The following ANKRD36B variants were observed in gnomAD, a reference collection of about 807,000 sequenced individuals.
ANKRD36B encodes ankyrin repeat domain 36B.
Under a neutral mutation model 135.7 loss-of-function variants are expected in ANKRD36B, and 37 were observed. That is an observed-to-expected ratio of 0.27 (90% confidence interval 0.21 to 0.36). The LOEUF (loss-of-function observed/expected upper bound fraction) is 0.36. Ranked by LOEUF, ANKRD36B falls within the 10% of genes least tolerant of loss-of-function variation. The probability of loss-of-function intolerance (pLI) is 1.00; values close to 1 mark genes in which losing one functional copy is unlikely to be tolerated. For synonymous variants in ANKRD36B, 179 were observed against 348.1 expected (o/e 0.51, Z 5.41); for missense variants, 549 against 1,037.1 (o/e 0.53, Z 6.46).
At chr2:97,532,505 G>C (rs138992129) in intron 34 of ANKRD36B, 121 bp from the exon 35 acceptor site, 66,669 of 422,346 alleles carry the variant, frequency 0.16, 20,550 homozygotes, top group Middle Eastern at 0.26. Context: ...GGTGGATCAC[G>C]AGGTCAGGAG....
chr2:97,493,909 T>C (rs2077273232), intron 43 of ANKRD36B, among the ~76,000 whole-genome samples: 1 of 97,086 alleles, frequency 1.0e-5, no homozygotes, highest in Non-Finnish European at 2.9e-5. Context: ...CATTCATTGC[T>C]TGTGGGAATG....
Position 97,524,900 on chromosome 2 carries a change from AGTT to A in ANKRD36B, c.2266-1436_2266-1434del, listed in dbSNP as rs541218943. 1.8e-4 allele frequency: 18 copies of A among 97,620 alleles called. 1 individual carries two copies. In the South Asian group the frequency reaches 4.2e-3, roughly 23 times the overall value. The allele number at this position is 97,620 out of a possible 1,614,324, so 6.0% of individuals were successfully genotyped here. ...TCTATCACAACACTTTTTCACTACTAGTTGTTGAGACAATTTTTGCACATGCAA... is the reference window on the plus strand; with the variant it reads ...TCTATCACAACACTTTTTCACTACTAGTTGAGACAATTTTTGCACATGCAA... On this transcript the variant is annotated intron_variant, in intron 35 of 43. Coordinates refer to ENST00000359901, the MANE Select transcript of ANKRD36B (RefSeq NM_001393939.1).
At chr2:97,587,389 A>G (rs935008407) in intron 1 of ANKRD36B, among the ~76,000 whole-genome samples, 11 of 152,324 alleles carry the variant, frequency 7.2e-5, no homozygotes, top group African/African-American at 2.4e-4. Context: ...TTTTGTACAC[A>G]TATTTGGCTT....
rs1428581844 is a variant in ANKRD36B at position 97,527,327 on chromosome 2, T to C, written c.2266-3860A>G. ...CTAAGCTTCATAAGTGAAGGAGAAATAAAATACTTTATAGACAAGCAAATG... is the reference window on the plus strand; with the variant it reads ...CTAAGCTTCATAAGTGAAGGAGAAACAAAATACTTTATAGACAAGCAAATG... On this transcript the variant is annotated intron_variant, in intron 35 of 43. Transcript: ENST00000359901. Among the ~76,000 whole-genome samples the C allele has an allele frequency of 2.1e-5, 2 of 93,950 alleles. 1 individual carries two copies. Among genetic ancestry groups the C allele is most frequent in the Non-Finnish European group, 5.6e-5 (2 of 35,610 alleles). The allele number at this position is 93,950 out of a possible 152,430, so 61.6% of individuals were successfully genotyped here. A position where few individuals can be genotyped will look rare whatever the true frequency, so the allele number is the denominator to read the frequency against.
rs1242342208 is a variant in ANKRD36B, at chr2:97,551,380, A to G, written c.1303-19T>C. On this transcript the variant is annotated intron_variant, in intron 17 of 43. Transcript: ENST00000359901. ...TTGTGGCCTGAATGGAATTTGAAAC[A>G]AAATAATAAATAAGGTATGTTTCAT... 2.5e-6 allele frequency: 4 copies of G among 1,602,404 alleles called. No individual in the cohort carries two copies. The highest frequency in any genetic ancestry group is 2.7e-5 in the African/African-American group (2 of 74,746).
chr2:97,538,504 G>A, intron 30 of ANKRD36B, 141 bp from the exon 31 acceptor site: 1 of 507,794 alleles, frequency 2.0e-6, no homozygotes, highest in South Asian at 1.9e-5. Flanking sequence ...GTGTCTTTGG[G>A]ACAGGAACAT....
rs1179200647 is a variant in ANKRD36B at position 97,585,347 on chromosome 2, G to C, written c.213C>G (p.Leu71=). ...TAAGCTCACATCTTCTGGACACCAG[G>C]AGATGTACCATTTCCGGTTGGCCAG... ...CATGQPEMVH[L]LVSRRCELNL... Residue 71 remains leucine, a synonymous_variant, in exon 2 of 44, where the codon CTC becomes CTG. Coordinates refer to ENST00000359901, the MANE Select transcript of ANKRD36B (RefSeq NM_001393939.1). 2.5e-6 allele frequency: 4 copies of C among 1,572,056 alleles called. No homozygotes were observed. The highest frequency in any genetic ancestry group is 2.6e-6 in the Non-Finnish European group (3 of 1,157,010).
At chr2:97,587,294 G>C (rs1230010321) in intron 1 of ANKRD36B, among the ~76,000 whole-genome samples, 2 of 151,882 alleles carry the variant, frequency 1.3e-5, no homozygotes, top group Non-Finnish European at 2.9e-5. Flanking sequence ...ACATTTACTA[G>C]AAGTTTTAAA....
chr2:97,579,258 T>C (rs1303277659), intron 4 of ANKRD36B, among the ~76,000 whole-genome samples: 1 of 142,668 alleles, frequency 7.0e-6, no homozygotes, highest in African/African-American at 2.5e-5. Context: ...CCCACTGTGG[T>C]ATGACATAAA....
Position 97,556,960 on chromosome 2 carries a change from A to G in ANKRD36B, c.1046T>C (p.Met349Thr), listed in dbSNP as rs966591812. Residue 349 changes from methionine (M) to threonine (T), a missense_variant, in exon 12 of 44, where the codon ATG becomes ACG. Physicochemically the swap from Met to Thr is moderately conservative, Grantham distance 81 (BLOSUM62 -1). Transcript: ENST00000359901. ...ACCTGTTCCAGATTTCCCACCGCCC[A>G]TTATTCTTGTGGCAATATTCAAAAG... Reference protein sequence around the residue: ...VSLLNIATRIMGGGKSGTVSS... With the variant: ...VSLLNIATRITGGGKSGTVSS... The G allele has an allele frequency of 4.1e-5, 65 of 1,588,432 alleles. No homozygotes were observed. Among genetic ancestry groups the G allele is most frequent in the East Asian group, 2.3e-4 (10 of 43,734 alleles).
intron 43 of ANKRD36B, among the ~76,000 whole-genome samples, chr2:97,496,833 G>GTGTGTA (rs373304719): frequency 1.6e-5 from 1 of 62,102 alleles, no homozygotes; most frequent in African/African-American, 8.8e-5. Context: ...ATATGTGTGT[G>GTGTGTA]TATATATATA....
At position 97,579,051 on chromosome 2, in the gene ANKRD36B, AAC is replaced by A. The variant is rs2082408896; in HGVS notation, c.558-10_558-9del. ...GCAAGTATGAGGGCTGATCTAAAAT[AAC>A]AGAGAGGTAATTAAAAACTTTAATG... On this transcript the variant is annotated splice_polypyrimidine_tract_variant and intron_variant, in intron 4 of 43. Coordinates refer to ENST00000359901, the MANE Select transcript of ANKRD36B (RefSeq NM_001393939.1). 1 of 1,593,892 alleles carries A rather than the reference AAC, an allele frequency of 6.3e-7. No individual in the cohort carries two copies. The highest frequency in any genetic ancestry group is 8.6e-7 in the Non-Finnish European group (1 of 1,168,304).
At chr2:97,571,454 T>C (rs1471499406) in intron 6 of ANKRD36B, among the ~76,000 whole-genome samples, 2 of 152,082 alleles carry the variant, frequency 1.3e-5, no homozygotes, top group African/African-American at 2.4e-5. Flanking sequence ...GAGACCATCC[T>C]GGCTAACACA....
chr2:97,556,898 T>C (rs755647279), intron 12 of ANKRD36B, 39 bp downstream of exon 12: 1 of 1,554,224 alleles, frequency 6.4e-7, no homozygotes, highest in Non-Finnish European at 8.7e-7. Context: ...CTCTTCTGTC[T>C]TGAGTGCACA....
In ANKRD36B at chr2:97,565,443, A is replaced by G. The variant is rs151194681; in HGVS notation, c.764-4583T>C. 8.3e-3 allele frequency among the ~76,000 whole-genome samples: 1,269 copies of G among 152,290 alleles called. 17 individuals carry two copies. Among genetic ancestry groups the G allele is most frequent in the African/African-American group, 0.028 (1,172 of 41,568 alleles). ...TACAGAATGGGAGGAAATGTTTGCA[A>G]TCTGTCCACCTGAAAAAGGCCTAAT... On this transcript the variant is annotated intron_variant, in intron 6 of 43. Coordinates refer to ENST00000359901, the MANE Select transcript of ANKRD36B (RefSeq NM_001393939.1).
chr2:97,552,229 AG>A (rs775107451), intron 16 of ANKRD36B, among the ~76,000 whole-genome samples: 12 of 152,018 alleles, frequency 7.9e-5, no homozygotes, highest in Non-Finnish European at 1.6e-4. Flanking sequence ...TACAAGCATT[AG>A]ATATTAATCA....
chr2:97,556,698 T>G (rs2080559221), intron 12 of ANKRD36B, among the ~76,000 whole-genome samples: 1 of 151,930 alleles, frequency 6.6e-6, no homozygotes, highest in Admixed American at 6.6e-5. Context: ...TGTCTTCAAC[T>G]GTTTTCCAAT....
At chr2:97,568,925 T>C (rs1233797398) in intron 6 of ANKRD36B, among the ~76,000 whole-genome samples, 1 of 152,152 alleles carries the variant, frequency 6.6e-6, no homozygotes, top group African/African-American at 2.4e-5. Flanking sequence ...GTTTTCAAAG[T>C]GATCGCTCAA....
In ANKRD36B at chr2:97,529,741, G is replaced by C. The variant is rs1486848270; in HGVS notation, c.2265+2570C>G. Among the ~76,000 whole-genome samples the C allele has an allele frequency of 8.5e-5, 8 of 93,732 alleles. 4 individuals are homozygous for C. The highest frequency in any genetic ancestry group is 1.7e-4 in the Non-Finnish European group (6 of 34,440). 61.5% of individuals were successfully genotyped at this position (93,732 alleles called of 152,430 possible). A position where few individuals can be genotyped will look rare whatever the true frequency, so the allele number is the denominator to read the frequency against. ...CAAAATCAATGTACAAAAATCACAA[G>C]CATTCTTATACAACAATAACAGACA... On this transcript the variant is annotated intron_variant, in intron 35 of 43. Transcript: ENST00000359901.
Sources: gnomAD v4.1 joint callset for allele counts (sites outside exome capture counted in the v4.1 genomes callset) on GRCh38, gnomAD v4.1.1 for gene constraint, MANE v1.5 for transcripts, NCBI Gene and HGNC (gene_info 2026-07-23, HGNC 2026-07-21) for gene names.